The following NHLRC2 variants were observed in gnomAD, a reference collection of about 807,000 sequenced individuals.
The protein encoded by NHLRC2 is NHL repeat containing 2.
Under a neutral mutation model 68.1 loss-of-function variants are expected in NHLRC2, and 33 were observed. The ratio of observed to expected loss-of-function variants is 0.48; its 90% CI spans 0.37 to 0.65. The LOEUF (loss-of-function observed/expected upper bound fraction) is 0.65. Ranked by LOEUF, NHLRC2 falls within the 30% of genes least tolerant of loss-of-function variation. NHLRC2 has a pLI of 0.00. For synonymous variants in NHLRC2, 311 were observed against 309.6 expected, an observed-to-expected ratio of 1.00 and a Z score of -0.05; for missense variants, 761 against 853.8, an observed-to-expected ratio of 0.89 and a Z score of 1.35.
At chr10:113,907,789 A>G (rs770749486) in intron 10 of NHLRC2, among the ~76,000 whole-genome samples, 15 of 152,176 alleles carry the variant, frequency 9.9e-5, no homozygotes, top group Admixed American at 2.6e-4. Flanking sequence ...TAGATATTCA[A>G]TAATTCATTA....
rs762182825 is a variant in NHLRC2 at position 113,908,504 on chromosome 10, A to C, written c.2149A>C (p.Ile717Leu). 2 of 1,614,108 alleles carry C rather than the reference A, an allele frequency of 1.2e-6. No homozygotes were observed. Among genetic ancestry groups the C allele is most frequent in the Non-Finnish European group, 8.5e-7 (1 of 1,179,964 alleles). The change falls in exon 11 of 11, where the codon ATA becomes CTA. Residue 717 changes from isoleucine (I) to leucine (L), a missense_variant. By Grantham distance (5) the Ile-to-Leu change is conservative. Transcript: ENST00000369301. ...LQITDTQQGC[I>L]APVELRYVF ...AATAACGGATACACAGCAAGGTTGC[A>C]TAGCTCCAGTAGAGCTCAGGTATGT... is the stretch of plus-strand genomic sequence containing the variant.
At chr10:113,902,377 C>T (rs998871805) in intron 7 of NHLRC2, 94 bp from the exon 8 acceptor site, 3 of 776,610 alleles carry the variant, frequency 3.9e-6, no homozygotes, top group South Asian at 2.0e-5. Flanking sequence ...ACTTAAATAC[C>T]ATTTGTAACT....
At position 113,876,784 on chromosome 10, in the gene NHLRC2, A is replaced by G. The variant is rs1845985785; in HGVS notation, c.595A>G (p.Lys199Glu). The part of the protein sequence containing the change: ...LYTSIALKYY[K>E]DRGQIRDNKI... ...TACTTCAATTGCTTTAAAGTATTAC[A>G]AAGACAGGGGGCAGATCAGAGATAA... Residue 199 changes from lysine to glutamate, a missense_variant, in exon 3 of 11, where the codon AAA (lysine) becomes GAA (glutamate). Transcript: ENST00000369301. The G allele has an allele frequency of 1.2e-6, 2 of 1,612,382 alleles. No individual in the cohort carries two copies. Among genetic ancestry groups the G allele is most frequent in the South Asian group, 1.1e-5 (1 of 91,050 alleles).
In NHLRC2 at chr10:113,914,758, G is replaced by A; in HGVS notation, c.*6222G>A. On this transcript the variant is annotated 3_prime_UTR_variant, in exon 11 of 11. Coordinates refer to ENST00000369301, the MANE Select transcript of NHLRC2 (RefSeq NM_198514.4). Reference sequence around the variant, plus strand: ...CCCCTGTGGCACAGTTTATTTAAATGAAGTATTAGCAATAATCATGTCACT... The same window carrying A: ...CCCCTGTGGCACAGTTTATTTAAATAAAGTATTAGCAATAATCATGTCACT... 3.5e-6 allele frequency: 1 copy of A among 287,742 alleles called. No individual in the cohort carries two copies. The highest frequency in any genetic ancestry group is 3.4e-5 in the South Asian group (1 of 29,472). 17.8% of individuals were successfully genotyped at this position (287,742 alleles called of 1,614,324 possible).
chr10:113,901,735 T>C lies in NHLRC2; in HGVS notation c.1209T>C (p.Tyr403=). The part of the protein sequence containing the change: ...SGNEENRNNA[Y]PHKAGFAQPS... ...ATGAAGAGAATCGAAACAATGCCTA[T>C]CCTCACAAGGCAGGTTTTGCCCAAC... Residue 403 remains tyrosine, a synonymous_variant, in exon 7 of 11, where the codon TAT becomes TAC. Transcript: ENST00000369301. 2.5e-6 allele frequency: 4 copies of C among 1,614,150 alleles called. No homozygotes were observed. The highest frequency in any genetic ancestry group is 3.4e-6 in the Non-Finnish European group (4 of 1,179,980).
In NHLRC2 at chr10:113,912,398, G is replaced by A. The variant is rs2134748033; in HGVS notation, c.*3862G>A. On this transcript the variant is annotated 3_prime_UTR_variant, in exon 11 of 11. Coordinates refer to ENST00000369301, the MANE Select transcript of NHLRC2 (RefSeq NM_198514.4). ...ATATTCTTCATAGAGTTGGGTTCAA[G>A]AAGAGAAATGTTTTATAATGAAGCA... is the stretch of plus-strand genomic sequence containing the variant. The A allele has an allele frequency of 6.6e-6, 1 of 152,310 alleles. No homozygotes were observed. The highest frequency in any genetic ancestry group is 2.1e-4 in the South Asian group (1 of 4,830). 9.4% of individuals were successfully genotyped at this position (152,310 alleles called of 1,614,324 possible).
intron 4 of NHLRC2, among the ~76,000 whole-genome samples, chr10:113,880,705 T>C (rs1179923866): frequency 6.6e-6 from 1 of 151,956 alleles, no homozygotes; most frequent in African/African-American, 2.4e-5. Context: ...GCTAGAAATA[T>C]GTTTTGTCTA....
chr10:113,914,433 G>A lies in NHLRC2; in HGVS notation c.*5897G>A, dbSNP rs1256132643. The A allele has an allele frequency of 6.5e-6, 1 of 153,558 alleles. No homozygotes were observed. The highest frequency in any genetic ancestry group is 1.9e-4 in the East Asian group (1 of 5,226). The allele number at this position is 153,558 out of a possible 1,614,324, so 9.5% of individuals were successfully genotyped here. A position where few individuals can be genotyped will look rare whatever the true frequency, so the allele number is the denominator to read the frequency against. On this transcript the variant is annotated 3_prime_UTR_variant, in exon 11 of 11. Coordinates refer to ENST00000369301, the MANE Select transcript of NHLRC2 (RefSeq NM_198514.4). Reference sequence around the variant, plus strand: ...TCTGCCTGCCTTGGCCTTCCAAAGTGCTGGGATTACAGGCGTGAGCCGCTG... The same window carrying A: ...TCTGCCTGCCTTGGCCTTCCAAAGTACTGGGATTACAGGCGTGAGCCGCTG...
chr10:113,870,298 A>C (rs1468625079), intron 2 of NHLRC2, among the ~76,000 whole-genome samples: 1 of 152,158 alleles, frequency 6.6e-6, no homozygotes, highest in East Asian at 1.9e-4. Context: ...ACAGATATTC[A>C]TTCTATCCAC....
rs747117082 is a variant in NHLRC2, at chr10:113,858,625, CTG to C, written c.278_279del (p.Cys93TyrfsTer6). On this transcript the variant is annotated frameshift_variant, in exon 2 of 11. Transcript: ENST00000369301. LOFTEE classifies it high-confidence loss of function. ...ATTTCTTCACCTACTGCTGCATAAA[CTG>C]TATTCACCTATTGCCTGATCTCCAT... is the stretch of plus-strand genomic sequence containing the variant. The part of the protein sequence containing the change: ...LDFFTYCCIN[C>X]IHLLPDLHAL... 4.3e-6 allele frequency: 7 copies of C among 1,610,388 alleles called. No homozygotes were observed. The highest frequency in any genetic ancestry group is 5.9e-6 in the Non-Finnish European group (7 of 1,176,756).
At chr10:113,874,390 G>A (rs931072118) in intron 2 of NHLRC2, among the ~76,000 whole-genome samples, 7 of 150,062 alleles carry the variant, frequency 4.7e-5, no homozygotes, top group Admixed American at 6.7e-5. Context: ...ACATCCCCCA[G>A]GCAACCATTC....
chr10:113,889,123 A>G (rs1373345984), intron 5 of NHLRC2, among the ~76,000 whole-genome samples: 14 of 152,096 alleles, frequency 9.2e-5, no homozygotes, highest in Admixed American at 9.2e-4. Context: ...CACTGCGCCC[A>G]GCCAAAACCC....
intron 1 of NHLRC2, among the ~76,000 whole-genome samples, chr10:113,858,179 C>T (rs1845778422): frequency 1.3e-5 from 2 of 151,754 alleles, no homozygotes; most frequent in African/African-American, 4.8e-5. Context: ...TTCCCATCCT[C>T]TACTCCTCCT....
At chr10:113,898,443 G>A (rs775775432) in intron 6 of NHLRC2, among the ~76,000 whole-genome samples, 4 of 152,190 alleles carry the variant, frequency 2.6e-5, no homozygotes, top group South Asian at 2.1e-4. Context: ...TGGAGCTTTC[G>A]GGAGCTTCGC....
intron 5 of NHLRC2, among the ~76,000 whole-genome samples, chr10:113,897,845 A>G (rs184029943): frequency 6.6e-6 from 1 of 152,360 alleles, no homozygotes; most frequent in East Asian, 1.9e-4. Context: ...CAGAGTTCAG[A>G]TGCAGAGATG....
chr10:113,883,306 GC>G (rs531209097), intron 4 of NHLRC2, among the ~76,000 whole-genome samples: 32 of 151,702 alleles, frequency 2.1e-4, no homozygotes, highest in African/African-American at 7.5e-4. Flanking sequence ...TACCTCTCTT[GC>G]TTTTAAGCAT....
intron 2 of NHLRC2, among the ~76,000 whole-genome samples, chr10:113,870,730 T>C (rs1199195187): frequency 6.6e-6 from 1 of 152,220 alleles, no homozygotes; most frequent in African/African-American, 2.4e-5. Flanking sequence ...TCAGGAAAGT[T>C]GTACCAGTTT....
intron 4 of NHLRC2, 32 bp downstream of exon 4, chr10:113,879,727 T>TAC: frequency 3.0e-6 from 4 of 1,337,988 alleles, no homozygotes; most frequent in Non-Finnish European, 4.1e-6. Flanking sequence ...TTTTAATACT[T>TAC]ACAATCAGAA....
intron 5 of NHLRC2, among the ~76,000 whole-genome samples, chr10:113,889,213 A>T (rs141988856): frequency 6.6e-6 from 1 of 152,066 alleles, no homozygotes; most frequent in Non-Finnish European, 1.5e-5. Flanking sequence ...AATCCCATTA[A>T]CCTTTCTTGG....
Sources: gnomAD v4.1 joint callset for allele counts (sites outside exome capture counted in the v4.1 genomes callset) on GRCh38, gnomAD v4.1.1 for gene constraint, MANE v1.5 for transcripts, NCBI Gene and HGNC (gene_info 2026-07-23, HGNC 2026-07-21) for gene names.